CACNA2D3: variants seen among roughly 807,000 people sequenced by gnomAD.
CACNA2D3 encodes the protein calcium voltage-gated channel auxiliary subunit alpha2delta 3.
CACNA2D3 carries 60 observed loss-of-function variants against 160.6 expected under a neutral mutation model. The ratio of observed to expected loss-of-function variants is 0.37; its 90% CI spans 0.30 to 0.46. CACNA2D3 has a LOEUF of 0.46. CACNA2D3 is among the 20% of genes least tolerant of loss of function. CACNA2D3 has a pLI of 1.00. For missense variants in CACNA2D3, 1,205 were observed against 1,365.0 expected (o/e 0.88, Z 1.85); for synonymous variants, 558 against 492.9 (o/e 1.13, Z -1.75).
At chr3:54,875,369 T>G (rs1036765639) in intron 18 of CACNA2D3, 1 of 152,222 alleles carries the variant, frequency 6.6e-6, no homozygotes, top group Admixed American at 6.5e-5. Flanking sequence ...CAGACCTGTT[T>G]ATCCACTGTG....
intron 2 of CACNA2D3, among the ~76,000 whole-genome samples, chr3:54,133,310 T>G (rs899826506): frequency 6.6e-6 from 1 of 152,186 alleles, no homozygotes; most frequent in Non-Finnish European, 1.5e-5. Flanking sequence ...GTCTTTAACA[T>G]CTGAGACAGA....
chr3:54,904,711 T>C (rs1052105904), intron 27 of CACNA2D3, among the ~76,000 whole-genome samples: 4 of 152,164 alleles, frequency 2.6e-5, no homozygotes, highest in Admixed American at 2.6e-4. Context: ...ATGGGAGCGA[T>C]ACTGGATAAA....
chr3:54,779,584 C>A (rs774942989), intron 13 of CACNA2D3, among the ~76,000 whole-genome samples: 14 of 152,212 alleles, frequency 9.2e-5, no homozygotes, highest in Admixed American at 1.3e-4. Flanking sequence ...CATTCTCCCT[C>A]ACTCTCAGAA....
chr3:54,690,643 T>A (rs190853050), intron 11 of CACNA2D3, among the ~76,000 whole-genome samples: 17 of 152,324 alleles, frequency 1.1e-4, no homozygotes, highest in African/African-American at 3.1e-4. Context: ...TATCCTTTTA[T>A]TCTGGGTGGC....
intron 2 of CACNA2D3, among the ~76,000 whole-genome samples, chr3:54,215,954 G>A (rs777023101): frequency 1.3e-5 from 2 of 151,822 alleles, no homozygotes; most frequent in Non-Finnish European, 2.9e-5. Context: ...AGGTATGCAT[G>A]TGTATGTGTA....
intron 13 of CACNA2D3, among the ~76,000 whole-genome samples, chr3:54,764,767 T>C (rs1702186549): frequency 6.6e-6 from 1 of 152,148 alleles, no homozygotes; most frequent in Admixed American, 6.5e-5. Context: ...TAATAATGAA[T>C]TGGGGCCACC....
intron 27 of CACNA2D3, among the ~76,000 whole-genome samples, chr3:54,951,820 T>G (rs1397137609): frequency 6.6e-6 from 1 of 152,206 alleles, no homozygotes; most frequent in Non-Finnish European, 1.5e-5. Context: ...TAATTCTATT[T>G]TCTGTCTTCT....
intron 2 of CACNA2D3, among the ~76,000 whole-genome samples, chr3:54,154,531 C>T (rs534659136): frequency 3.5e-5 from 3 of 84,656 alleles, no homozygotes; most frequent in Admixed American, 2.2e-4. Context: ...TACTCTTTTT[C>T]CCCCCCGAAT....
intron 2 of CACNA2D3, among the ~76,000 whole-genome samples, chr3:54,133,892 A>G (rs977272627): frequency 5.3e-5 from 8 of 152,146 alleles, no homozygotes; most frequent in African/African-American, 1.9e-4. Context: ...ATCTGGCTGG[A>G]TTCTTAGCGT....
chr3:54,859,829 C>T (rs556127568), intron 17 of CACNA2D3, among the ~76,000 whole-genome samples: 1 of 152,254 alleles, frequency 6.6e-6, no homozygotes, highest in Non-Finnish European at 1.5e-5. Context: ...GGGACATTTA[C>T]TGCAGCCATG....
chr3:54,886,935 C>CTTTTTTTTTTTTTTTTT (rs60899252), intron 23 of CACNA2D3, among the ~76,000 whole-genome samples: 2 of 107,746 alleles, frequency 1.9e-5, no homozygotes, highest in Non-Finnish European at 1.7e-5. Context: ...CAGCAAAGCT[C>CTTTTTTTTTTTTTTTTT]TTTTTTTTTT....
chr3:54,475,581 C>T (rs897277507), intron 4 of CACNA2D3, among the ~76,000 whole-genome samples: 4 of 152,024 alleles, frequency 2.6e-5, no homozygotes, highest in Non-Finnish European at 5.9e-5. Flanking sequence ...TGCTGAAGTT[C>T]CCTTCCCCCA....
At chr3:54,185,081 T>C (rs7643707) in intron 2 of CACNA2D3, among the ~76,000 whole-genome samples, 91,683 of 152,112 alleles carry the variant, frequency 0.6, 27,837 homozygotes, top group East Asian at 0.74. Flanking sequence ...GAAATTCTTC[T>C]GTTGACAGGA....
At chr3:54,502,514 CTGTTCTTACA>C (rs1443161076) in intron 4 of CACNA2D3, among the ~76,000 whole-genome samples, 1 of 152,194 alleles carries the variant, frequency 6.6e-6, no homozygotes, top group African/African-American at 2.4e-5. Flanking sequence ...TATTACCCAT[CTGTTCTTACA>C]TGTCCGCTTT....
intron 11 of CACNA2D3, among the ~76,000 whole-genome samples, chr3:54,662,190 GT>G (rs1166127230): frequency 6.6e-6 from 1 of 152,098 alleles, no homozygotes; most frequent in Non-Finnish European, 1.5e-5. Flanking sequence ...ATGTGTGTGT[GT>G]TTTTTATAGA....
At chr3:54,981,823 C>T (rs1450761413) in intron 29 of CACNA2D3, among the ~76,000 whole-genome samples, 1 of 152,246 alleles carries the variant, frequency 6.6e-6, no homozygotes, top group Non-Finnish European at 1.5e-5. Context: ...CATTGGGTCC[C>T]ATCATTGTTA....
At chr3:54,125,266 C>CACACACACACAA (rs1699567196) in intron 2 of CACNA2D3, among the ~76,000 whole-genome samples, 1 of 151,412 alleles carries the variant, frequency 6.6e-6, no homozygotes, top group Non-Finnish European at 1.5e-5. Flanking sequence ...CACACACACA[C>CACACACACACAA]ACACACACTG....
rs1553737723 is a variant in CACNA2D3, at chr3:54,154,537, C to CT, written c.204+30943_204+30944insT. Among the ~76,000 whole-genome samples the CT allele has an allele frequency of 1.7e-3, 258 of 152,108 alleles. 3 individuals carry two copies. Among genetic ancestry groups the CT allele is most frequent in the East Asian group, 7.9e-3 (41 of 5,180 alleles). On this transcript the variant is annotated intron_variant, in intron 2 of 37. Transcript: ENST00000474759. ...AACGCCCCTTACTCTTTTTCCCCCCCGAATGATTATTGTTTCCCCAATTAT... is the reference window on the plus strand; with the variant it reads ...AACGCCCCTTACTCTTTTTCCCCCCCTGAATGATTATTGTTTCCCCAATTAT...
intron 3 of CACNA2D3, chr3:54,385,848 G>C: frequency 2.1e-6 from 1 of 470,238 alleles, no homozygotes; most frequent in Non-Finnish European, 4.2e-6. Flanking sequence ...AGAAATAGAA[G>C]TGGTCAAATT....
Sources: gnomAD v4.1 joint callset for allele counts (sites outside exome capture counted in the v4.1 genomes callset) on GRCh38, gnomAD v4.1.1 for gene constraint, MANE v1.5 for transcripts, NCBI Gene and HGNC (gene_info 2026-07-23, HGNC 2026-07-21) for gene names.